MPP7: variants seen among roughly 807,000 people sequenced by gnomAD.
MPP7 encodes MAGUK p55 scaffold protein 7, also known as MAGUK p55 subfamily member 7.
MPP7 carries 60 observed loss-of-function variants against 76.5 expected under a neutral mutation model. That is an observed-to-expected ratio of 0.78 (90% confidence interval 0.64 to 0.97). The LOEUF (loss-of-function observed/expected upper bound fraction) is 0.97. Ranked by LOEUF, MPP7 falls within the 50% of genes least tolerant of loss-of-function variation. The pLI, the probability that MPP7 is intolerant of heterozygous loss-of-function variation, is 0.00. For missense variants in MPP7, 641 were observed against 694.0 expected (o/e 0.92, Z 0.86); for synonymous variants, 237 against 244.5 (o/e 0.97, Z 0.29).
chr10:28,057,587 A>C (rs7921181), intron 15 of MPP7: 71,490 of 365,928 alleles, frequency 0.2, 11,266 homozygotes, highest in East Asian at 0.65. Flanking sequence ...TCTGCAGAGC[A>C]GTGAGCCAAT....
At chr10:28,055,510 TATTAAG>T (rs1851520690) in intron 16 of MPP7, among the ~76,000 whole-genome samples, 2 of 152,184 alleles carry the variant, frequency 1.3e-5, no homozygotes, top group South Asian at 4.1e-4. Flanking sequence ...AGGTAGAATA[TATTAAG>T]ATTAAGAAGA....
At chr10:28,181,937 G>C (rs543130814) in intron 3 of MPP7, among the ~76,000 whole-genome samples, 36 of 152,338 alleles carry the variant, frequency 2.4e-4, no homozygotes, top group African/African-American at 8.2e-4. Flanking sequence ...CTTTCAGTAA[G>C]ACCCAGTGAG....
At chr10:28,269,700 T>A (rs189081630) in intron 1 of MPP7, among the ~76,000 whole-genome samples, 216 of 152,004 alleles carry the variant, frequency 1.4e-3, no homozygotes, top group Non-Finnish European at 2.4e-3. Context: ...CTAATTTTTT[T>A]AAATTTTTTT....
At chr10:28,127,766 A>T (rs1835065880) in intron 6 of MPP7, among the ~76,000 whole-genome samples, 1 of 152,152 alleles carries the variant, frequency 6.6e-6, no homozygotes, top group Non-Finnish European at 1.5e-5. Flanking sequence ...GGTGGTAAAC[A>T]CTGTGGGGGT....
intron 1 of MPP7, among the ~76,000 whole-genome samples, chr10:28,333,840 T>G (rs1834492126): frequency 6.6e-6 from 1 of 152,004 alleles, no homozygotes; most frequent in Admixed American, 6.6e-5. Flanking sequence ...CAAACCCAGA[T>G]GTAGATGAAA....
At chr10:28,293,693 C>T (rs1299173776) in intron 1 of MPP7, among the ~76,000 whole-genome samples, 2 of 152,176 alleles carry the variant, frequency 1.3e-5, no homozygotes, top group East Asian at 1.9e-4. Flanking sequence ...GGCAGCTCCG[C>T]GTCACAGGTC....
chr10:28,097,092 C>A (rs557768956), intron 11 of MPP7, among the ~76,000 whole-genome samples: 3 of 152,028 alleles, frequency 2.0e-5, no homozygotes, highest in African/African-American at 7.2e-5. Context: ...TGGGCTCCAG[C>A]GATCCTCCCA....
In MPP7 at chr10:28,064,322, T is replaced by A. The variant is rs1352042047; in HGVS notation, c.1205-4579A>T. 2.0e-5 allele frequency among the ~76,000 whole-genome samples: 3 copies of A among 152,230 alleles called. No homozygotes were observed. In the East Asian group the frequency reaches 5.8e-4, roughly 29 times the overall value. ...ACATGGGTGAATCTTACATTCATTATGCTGAGTGGAAAAAGTCTGGCAAAG... is the reference window on the plus strand; with the variant it reads ...ACATGGGTGAATCTTACATTCATTAAGCTGAGTGGAAAAAGTCTGGCAAAG... On this transcript the variant is annotated intron_variant, in intron 13 of 16. Coordinates refer to ENST00000683449, the MANE Select transcript of MPP7 (RefSeq NM_001318170.2).
chr10:28,154,373 C>T (rs2133793532), intron 3 of MPP7, among the ~76,000 whole-genome samples: 1 of 152,302 alleles, frequency 6.6e-6, no homozygotes, highest in Admixed American at 6.5e-5. Flanking sequence ...GCTCAAGCTA[C>T]ACAGTCAGAA....
chr10:28,183,893 A>G (rs1454293765), intron 3 of MPP7, among the ~76,000 whole-genome samples: 1 of 152,212 alleles, frequency 6.6e-6, no homozygotes, highest in Non-Finnish European at 1.5e-5. Context: ...TATAGCATGG[A>G]ACACAGCTAA....
At chr10:28,321,649 A>G (rs562962215) in intron 2 of MPP7, among the ~76,000 whole-genome samples, 1 of 152,080 alleles carries the variant, frequency 6.6e-6, no homozygotes, top group Non-Finnish European at 1.5e-5. Context: ...CAGTGGTGCG[A>G]TCTCAGCTCA....
chr10:28,072,289 T>G (rs1482233860), intron 12 of MPP7, among the ~76,000 whole-genome samples: 1 of 151,870 alleles, frequency 6.6e-6, no homozygotes, highest in African/African-American at 2.4e-5. Context: ...TAAAATAAAA[T>G]AAAGAATAGT....
intron 11 of MPP7, among the ~76,000 whole-genome samples, chr10:28,112,349 C>A (rs185528802): frequency 6.6e-6 from 1 of 152,112 alleles, no homozygotes; most frequent in East Asian, 1.9e-4. Flanking sequence ...AAATACTACA[C>A]CCTCGATTAA....
At chr10:28,246,473 G>A (rs1015055613) in intron 1 of MPP7, among the ~76,000 whole-genome samples, 1 of 152,156 alleles carries the variant, frequency 6.6e-6, no homozygotes, top group African/African-American at 2.4e-5. Flanking sequence ...ATGAAAGAAC[G>A]CTAGACGGCA....
At chr10:28,137,864 A>C (rs540637959) in intron 5 of MPP7, among the ~76,000 whole-genome samples, 1 of 152,300 alleles carries the variant, frequency 6.6e-6, no homozygotes, top group African/African-American at 2.4e-5. Flanking sequence ...CATCAGACTC[A>C]CAAGCACTCA....
intron 12 of MPP7, among the ~76,000 whole-genome samples, chr10:28,077,447 T>C (rs1298599007): frequency 6.6e-6 from 1 of 152,184 alleles, no homozygotes; most frequent in Admixed American, 6.5e-5. Context: ...ATTTTCCCAG[T>C]CAGGCCCTTG....
At position 28,309,747 on chromosome 10, in the gene MPP7, G is replaced by A. The variant is rs541546568; in HGVS notation, c.-132+20182C>T. 5.3e-5 allele frequency among the ~76,000 whole-genome samples: 8 copies of A among 152,268 alleles called. No homozygotes were observed. In the South Asian group the frequency reaches 8.3e-4, roughly 16 times the overall value. ...TGGGAGGTGTTTGGGTCGTGGGGGC[G>A]GATCCCTCGTGGCTTGGTGCCATCC... is the stretch of plus-strand genomic sequence containing the variant. On this transcript the variant is annotated intron_variant, in intron 2 of 11. Transcript: ENST00000441595.
intron 11 of MPP7, among the ~76,000 whole-genome samples, chr10:28,095,178 T>C (rs1232553140): frequency 8.1e-6 from 1 of 123,436 alleles, no homozygotes; most frequent in African/African-American, 3.1e-5. Context: ...ATATCTGATA[T>C]ACATACACAC....
intron 1 of MPP7, among the ~76,000 whole-genome samples, chr10:28,261,290 A>G (rs1839941342): frequency 6.6e-6 from 1 of 152,190 alleles, no homozygotes; most frequent in Non-Finnish European, 1.5e-5. Context: ...TGCCCAAGTC[A>G]TTCACTGGGG....
Sources: allele counts gnomAD v4.1 joint callset (sites outside exome capture counted in the v4.1 genomes callset), GRCh38; gene constraint gnomAD v4.1.1; transcripts MANE v1.5; gene names NCBI Gene and HGNC (gene_info 2026-07-23, HGNC 2026-07-21).